Variants in ITGA8 observed in about 807,000 individuals in gnomAD.
ITGA8 encodes the protein integrin alpha-8.
ITGA8 carries 91 observed loss-of-function variants against 142.3 expected under a neutral mutation model. The observed-to-expected ratio is 0.64, with a 90% CI of 0.54 to 0.76. ITGA8 has a LOEUF of 0.76. Ranked by LOEUF, ITGA8 falls within the 30% of genes least tolerant of loss-of-function variation. The pLI is 0.00. For missense variants in ITGA8, 1,406 were observed against 1,327.7 expected (o/e 1.06, Z -0.92); for synonymous variants, 505 against 485.2 (o/e 1.04, Z -0.54).
intron 2 of ITGA8, among the ~76,000 whole-genome samples, chr10:15,714,796 T>C (rs1050274260): frequency 6.6e-6 from 1 of 152,196 alleles, no homozygotes; most frequent in South Asian, 2.1e-4. Flanking sequence ...GACTCAGTTA[T>C]AGGGCTGTCT....
intron 26 of ITGA8, among the ~76,000 whole-genome samples, chr10:15,557,786 GTGTA>G (rs1833911098): frequency 6.6e-6 from 1 of 152,236 alleles, no homozygotes; most frequent in South Asian, 2.1e-4. Context: ...ACAACTGAAA[GTGTA>G]TGTTCCTGAA....
chr10:15,592,370 T>C, intron 21 of ITGA8, 66 bp from the exon 22 acceptor site: 1 of 1,231,230 alleles, frequency 8.1e-7, no homozygotes, highest in South Asian at 1.3e-5. Flanking sequence ...TTGTAAGTCA[T>C]TCCTGCAAAA....
At chr10:15,646,573 T>G (rs1435992679) in intron 12 of ITGA8, among the ~76,000 whole-genome samples, 1 of 152,192 alleles carries the variant, frequency 6.6e-6, no homozygotes, top group African/African-American at 2.4e-5. Context: ...TTGAAACAAA[T>G]TATGTTACAG....
At position 15,705,634 on chromosome 10, in the gene ITGA8, T is replaced by C. The variant is rs943824311; in HGVS notation, c.343+13132A>G. ...TAACTATTAAATTTCTCTGGTCCCA[T>C]ATATAGCCAAACTTTAAAAATTGCT... On this transcript the variant is annotated intron_variant, in intron 2 of 29. Coordinates refer to ENST00000378076, the MANE Select transcript of ITGA8 (RefSeq NM_003638.3). Among the ~76,000 whole-genome samples the C allele has an allele frequency of 8.5e-5, 13 of 152,356 alleles. No individual in the cohort carries two copies. The South Asian group carries it at 1.0e-3, about 12-fold the overall frequency.
intron 13 of ITGA8, among the ~76,000 whole-genome samples, chr10:15,638,305 AC>A (rs1192974852): frequency 1.3e-5 from 2 of 152,336 alleles, no homozygotes; most frequent in Admixed American, 6.5e-5. Flanking sequence ...CAAAAAGTAC[AC>A]ATAAAACATC....
In ITGA8 at chr10:15,716,235, T is replaced by C. The variant is rs113717966; in HGVS notation, c.343+2531A>G. On this transcript the variant is annotated intron_variant, in intron 2 of 29. Transcript: ENST00000378076. ...CCTTTCTTTCTCTCACTTTGTTCCA[T>C]TTGTGAATTCTGAAATTATTATGAT... Among the ~76,000 whole-genome samples the C allele has an allele frequency of 2.1e-4, 32 of 152,352 alleles. 1 individual carries two copies. Among genetic ancestry groups the C allele is most frequent in the African/African-American group, 6.5e-4 (27 of 41,576 alleles).
chr10:15,556,614 G>A (rs992038816), intron 26 of ITGA8, among the ~76,000 whole-genome samples: 5 of 152,136 alleles, frequency 3.3e-5, no homozygotes, highest in African/African-American at 1.2e-4. Context: ...TAGGGTCTAT[G>A]AGATATTTTG....
At chr10:15,624,115 A>C (rs1833540407) in intron 13 of ITGA8, among the ~76,000 whole-genome samples, 1 of 152,186 alleles carries the variant, frequency 6.6e-6, no homozygotes, top group African/African-American at 2.4e-5. Context: ...CAGTTTTTGC[A>C]AAGTCACTGT....
At chr10:15,667,950 A>C (rs1339950768) in intron 8 of ITGA8, among the ~76,000 whole-genome samples, 1 of 152,140 alleles carries the variant, frequency 6.6e-6, no homozygotes, top group African/African-American at 2.4e-5. Context: ...TATGTGGTCA[A>C]TTTTGGAGTA....
chr10:15,687,399 A>G (rs1200641421), intron 3 of ITGA8, among the ~76,000 whole-genome samples: 1 of 152,176 alleles, frequency 6.6e-6, no homozygotes, highest in African/African-American at 2.4e-5. Context: ...AAAATAATAG[A>G]ATTATTAAGT....
At chr10:15,557,966 G>T (rs1564350680) in intron 26 of ITGA8, 108 bp downstream of exon 26, 2 of 1,327,780 alleles carry the variant, frequency 1.5e-6, no homozygotes, top group African/African-American at 1.5e-5. Context: ...GAATATCTGA[G>T]CACTGAAGGA....
chr10:15,563,735 C>A (rs1180579347), intron 25 of ITGA8, among the ~76,000 whole-genome samples: 3 of 152,002 alleles, frequency 2.0e-5, no homozygotes, highest in Non-Finnish European at 4.4e-5. Flanking sequence ...GCCAACATGG[C>A]AAAACCCCAT....
chr10:15,555,141 G>A (rs1833865827), intron 26 of ITGA8, among the ~76,000 whole-genome samples: 1 of 152,156 alleles, frequency 6.6e-6, no homozygotes, highest in South Asian at 2.1e-4. Context: ...ATTTATTCAT[G>A]TCATAACATT....
At chr10:15,569,252 G>C (rs920232813) in intron 25 of ITGA8, among the ~76,000 whole-genome samples, 3 of 152,198 alleles carry the variant, frequency 2.0e-5, no homozygotes, top group Non-Finnish European at 4.4e-5. Flanking sequence ...AAGCTGGGGA[G>C]AGAGCGCCTC....
intron 10 of ITGA8, among the ~76,000 whole-genome samples, 184 bp from the exon 11 acceptor site, chr10:15,655,590 T>C (rs754641814): frequency 2.0e-5 from 3 of 152,210 alleles, no homozygotes; most frequent in African/African-American, 7.2e-5. Flanking sequence ...GTGAATAATT[T>C]TCCCCATAAT....
chr10:15,559,381 G>A (rs68128735), intron 25 of ITGA8, among the ~76,000 whole-genome samples: 60,389 of 152,050 alleles, frequency 0.4, 12,670 homozygotes, highest in African/African-American at 0.53. Flanking sequence ...CTGTACCTAA[G>A]CTGCCTGCCA....
At position 15,539,465 on chromosome 10, in the gene ITGA8, G is replaced by A. The variant is rs370302280; in HGVS notation, c.2881-8314C>T. Among the ~76,000 whole-genome samples the A allele has an allele frequency of 4.0e-4, 61 of 152,196 alleles. 1 individual carries two copies. Among genetic ancestry groups the A allele is most frequent in the African/African-American group, 1.3e-3 (55 of 41,546 alleles). On this transcript the variant is annotated intron_variant, in intron 27 of 29. Coordinates refer to ENST00000378076, the MANE Select transcript of ITGA8 (RefSeq NM_003638.3). Reference sequence around the variant, plus strand: ...AGACATTTGACACTATCTCCCCTTTGGAAGTGGACCAGAAGCTGAGCCAGT... The same window carrying A: ...AGACATTTGACACTATCTCCCCTTTAGAAGTGGACCAGAAGCTGAGCCAGT...
At chr10:15,588,787 A>T (rs1249578465) in intron 22 of ITGA8, among the ~76,000 whole-genome samples, 1 of 152,244 alleles carries the variant, frequency 6.6e-6, no homozygotes, top group Admixed American at 6.5e-5. Context: ...GACATTGAAC[A>T]TTGAAATCAT....
intron 11 of ITGA8, among the ~76,000 whole-genome samples, chr10:15,647,928 A>G (rs1449809159): frequency 2.6e-5 from 4 of 152,206 alleles, no homozygotes; most frequent in South Asian, 2.1e-4. Context: ...CTTTGGATAC[A>G]TAGATTATAG....
Sources: gnomAD v4.1 joint callset for allele counts (sites outside exome capture counted in the v4.1 genomes callset) on GRCh38, gnomAD v4.1.1 for gene constraint, MANE v1.5 for transcripts, NCBI Gene and HGNC (gene_info 2026-07-23, HGNC 2026-07-21) for gene names.